Variants in VWCE observed in about 807,000 individuals in gnomAD.
VWCE encodes the protein von Willebrand factor C and EGF domain-containing protein.
VWCE carries 68 observed loss-of-function variants against 102.9 expected under a neutral mutation model. That is an observed-to-expected ratio of 0.66 (90% confidence interval 0.54 to 0.81). The LOEUF (loss-of-function observed/expected upper bound fraction) is 0.81, where lower values mean the gene tolerates loss of function less well. Ranked by LOEUF, VWCE falls within the 30% of genes least tolerant of loss-of-function variation. The pLI is 0.00. For synonymous variants in VWCE, 497 were observed against 515.4 expected (o/e 0.96, Z 0.48); for missense variants, 1,137 against 1,263.6 (o/e 0.90, Z 1.52).
intron 16 of VWCE, among the ~76,000 whole-genome samples, 196 bp from the exon 17 acceptor site, chr11:61,265,408 G>A (rs1002884870): frequency 5.3e-5 from 8 of 152,140 alleles, no homozygotes; most frequent in African/African-American, 1.9e-4. Flanking sequence ...CAAGCCCCTC[G>A]AAGGTAAGAA....
intron 19 of VWCE, among the ~76,000 whole-genome samples, chr11:61,260,843 A>C (rs1437488746): frequency 2.0e-5 from 3 of 152,248 alleles, no homozygotes; most frequent in African/African-American, 7.2e-5. Context: ...AAAAATCATT[A>C]AGATAAACCA....
intron 4 of VWCE, among the ~76,000 whole-genome samples, chr11:61,289,501 C>T (rs1051737158): frequency 7.2e-5 from 11 of 152,018 alleles, no homozygotes; most frequent in South Asian, 2.1e-4. Flanking sequence ...CCACCCGCCT[C>T]GGCCTCCCAA....
At chr11:61,267,359 C>T (rs368410107) in intron 16 of VWCE, 103 bp downstream of exon 16, 20 of 1,173,156 alleles carry the variant, frequency 1.7e-5, no homozygotes, top group Middle Eastern at 1.9e-4. Context: ...CCAGAAGCAT[C>T]CCTTGTCTTG....
chr11:61,291,147 C>T (rs1292863467), intron 3 of VWCE, 117 bp downstream of exon 3: 3 of 1,240,332 alleles, frequency 2.4e-6, no homozygotes, highest in Non-Finnish European at 3.3e-6. Context: ...AAAATGTCTA[C>T]CTAATGGAGT....
At chr11:61,289,027 C>T (rs928804426) in intron 4 of VWCE, among the ~76,000 whole-genome samples, 6 of 151,520 alleles carry the variant, frequency 4.0e-5, no homozygotes, top group African/African-American at 7.3e-5. Flanking sequence ...TTAGTAGAGA[C>T]GGGGTTTCAC....
Position 61,265,135 on chromosome 11 carries a change from G to A in VWCE, c.2043C>T (p.Cys681=), listed in dbSNP as rs1854473560. The change falls in exon 17 of 20, where the codon TGC becomes TGT. Residue 681 remains cysteine, a synonymous_variant. Transcript: ENST00000335613. ...GGTCCCACTCACCTCGGCACACGGG[G>A]CAGCACTCCCCGTCAGGGTGGAAAG... The part of the protein sequence containing the change: ...TYPFHPDGEC[C]PVCRDCNYEG... 1.9e-6 allele frequency: 3 copies of A among 1,602,594 alleles called. No homozygotes were observed. The East Asian group carries it at 6.7e-5, about 36-fold the overall frequency.
At chr11:61,265,336 T>TGGTGGGGC (rs1297743757) in intron 16 of VWCE, 124 bp from the exon 17 acceptor site, 1 of 884,736 alleles carries the variant, frequency 1.1e-6, no homozygotes, top group Non-Finnish European at 1.6e-6. Context: ...GAGGAGTCCA[T>TGGTGGGGC]GGTGGGGCAG....
intron 4 of VWCE, among the ~76,000 whole-genome samples, chr11:61,287,359 G>T (rs573544180): frequency 1.3e-5 from 2 of 152,060 alleles, no homozygotes; most frequent in African/African-American, 2.4e-5. Flanking sequence ...GAGAGAAGAC[G>T]GCTGAGACCA....
In VWCE at chr11:61,273,240, C is replaced by T. The variant is rs2134775350; in HGVS notation, c.1658G>A (p.Gly553Glu). Residue 553 changes from glycine (G) to glutamate (E), a missense_variant, in exon 13 of 20, where the codon GGG becomes GAG. Around this residue, in one of 5 missense-constraint regions of VWCE, gnomAD observed 212 missense variants for 235.1 expected, o/e 0.90. Coordinates refer to ENST00000335613, the MANE Select transcript of VWCE (RefSeq NM_152718.2). The stretch of plus-strand genomic sequence containing the variant: ...CTCCTGGCAGGTGAAGCAACACTGC[C>T]CAGGGCCCAGCCGCCACTCTTCTCG... Reference protein sequence around the residue: ...CPREEWRLGPGQCCFTCQEPT... With the variant: ...CPREEWRLGPEQCCFTCQEPT... 1 of 1,613,444 alleles carries T rather than the reference C, an allele frequency of 6.2e-7. No homozygotes were observed. Among genetic ancestry groups the T allele is most frequent in the East Asian group, 2.2e-5 (1 of 44,860 alleles).
chr11:61,283,641 C>G (rs552257490), intron 5 of VWCE, among the ~76,000 whole-genome samples: 11 of 152,200 alleles, frequency 7.2e-5, no homozygotes, highest in African/African-American at 2.7e-4. Flanking sequence ...AAACTCCTGA[C>G]CTCAGGCGAT....
At chr11:61,277,900 G>A (rs1854976219) in intron 10 of VWCE, among the ~76,000 whole-genome samples, 1 of 151,986 alleles carries the variant, frequency 6.6e-6, no homozygotes, top group Non-Finnish European at 1.5e-5. Context: ...GAGCAGTGGC[G>A]CGATCTCAGC....
In VWCE at chr11:61,273,252, C is replaced by T. The variant is rs1362058655; in HGVS notation, c.1646G>A (p.Arg549Gln). 11 of 1,613,710 alleles carry T rather than the reference C, an allele frequency of 6.8e-6. No individual in the cohort carries two copies. Among genetic ancestry groups the T allele is most frequent in the East Asian group, 2.2e-5 (1 of 44,870 alleles). ...GAAGCAACACTGCCCAGGGCCCAGC[C>T]GCCACTCTTCTCGGGGGCAGGCCAG... ...PELACPREEW[R>Q]LGPGQCCFTC... The change falls in exon 13 of 20, where the codon CGG (arginine) becomes CAG (glutamine). Residue 549 changes from arginine to glutamine, a missense_variant. Arg to Gln is a conservative substitution (Grantham distance 43, BLOSUM62 1). This residue lies in a region of VWCE where 212 missense variants were observed against 235.1 expected (regional missense o/e 0.90). Coordinates refer to ENST00000335613, the MANE Select transcript of VWCE (RefSeq NM_152718.2).
intron 16 of VWCE, among the ~76,000 whole-genome samples, chr11:61,266,101 C>T (rs1237443771): frequency 6.6e-6 from 1 of 151,756 alleles, no homozygotes; most frequent in East Asian, 1.9e-4. Context: ...TAGTGGCTCA[C>T]ACCTATAATC....
intron 4 of VWCE, among the ~76,000 whole-genome samples, chr11:61,287,774 G>A (rs937998857): frequency 2.6e-5 from 4 of 152,182 alleles, no homozygotes; most frequent in African/African-American, 9.7e-5. Flanking sequence ...CAGCAGCTGG[G>A]CTCCTTGCAA....
chr11:61,281,721 G>T, intron 7 of VWCE, 65 bp downstream of exon 7: 1 of 1,536,068 alleles, frequency 6.5e-7, no homozygotes, highest in Non-Finnish European at 8.8e-7. Flanking sequence ...CTATGGGGGG[G>T]CGTAGCTGGG....
intron 15 of VWCE, among the ~76,000 whole-genome samples, chr11:61,268,216 T>C (rs1854568632): frequency 6.6e-6 from 1 of 152,116 alleles, no homozygotes; most frequent in African/African-American, 2.4e-5. Flanking sequence ...AATAGGTCCT[T>C]GCTAATATTC....
chr11:61,263,244 T>C (rs1854409603), intron 19 of VWCE, among the ~76,000 whole-genome samples: 2 of 151,768 alleles, frequency 1.3e-5, no homozygotes, highest in South Asian at 2.1e-4. Flanking sequence ...GAGGCAAAGG[T>C]TGCAGTGAGC....
chr11:61,279,801 C>G (rs1490040827), intron 9 of VWCE, among the ~76,000 whole-genome samples: 1 of 152,280 alleles, frequency 6.6e-6, no homozygotes, highest in African/African-American at 2.4e-5. Context: ...ACATGGCTCA[C>G]TGCAGCCTCG....
rs61744427 is a variant in VWCE at position 61,280,850 on chromosome 11, G to T, written c.1173C>A (p.Ala391=). The change falls in exon 8 of 20, where the codon GCC becomes GCA. Residue 391 remains alanine (A), a synonymous_variant. Coordinates refer to ENST00000335613, the MANE Select transcript of VWCE (RefSeq NM_152718.2). ...TCCAGCGACTCCTTGATTCATGCAT[G>T]GCTCCCAGGTGCCAGCAGGGAGAGG... ...AGPSPCWHLG[A]MHESRSRWTE... The T allele has an allele frequency of 5.8e-6, 9 of 1,544,074 alleles. No individual in the cohort carries two copies. The South Asian group carries it at 1.0e-4, about 17-fold the overall frequency.
Sources: gnomAD v4.1 joint callset for allele counts (sites outside exome capture counted in the v4.1 genomes callset) on GRCh38, gnomAD v4.1.1 for gene constraint, gnomAD v4.1.1 regional missense constraint, MANE v1.5 for transcripts, NCBI Gene and HGNC (gene_info 2026-07-23, HGNC 2026-07-21) for gene names.